Variants in SEC24D observed in about 807,000 individuals in gnomAD.
The protein encoded by SEC24D is protein transport protein Sec24D.
A neutral mutation model predicts 116.9 loss-of-function variants in SEC24D; 69 were observed. The ratio of observed to expected loss-of-function variants is 0.59; its 90% CI spans 0.49 to 0.72. SEC24D has a LOEUF of 0.72. Ranked by LOEUF, SEC24D falls within the 30% of genes least tolerant of loss-of-function variation. The pLI is 0.00. For synonymous variants in SEC24D, 405 were observed against 442.8 expected (o/e 0.91, Z 1.07); for missense variants, 1,131 against 1,264.1 (o/e 0.89, Z 1.60).
chr4:118,750,005 T>C (rs767321918), intron 13 of SEC24D, among the ~76,000 whole-genome samples: 33 of 152,378 alleles, frequency 2.2e-4, no homozygotes, highest in Middle Eastern at 3.4e-3. Flanking sequence ...AGTTGTTATA[T>C]ATTTAGATAT....
intron 2 of SEC24D, among the ~76,000 whole-genome samples, chr4:118,828,679 T>C (rs1452185421): frequency 6.6e-6 from 1 of 152,196 alleles, no homozygotes; most frequent in Non-Finnish European, 1.5e-5. Flanking sequence ...TGAAAAACCC[T>C]GCTGCAGAGA....
Position 118,805,874 on chromosome 4 carries a change from C to T in SEC24D, c.882G>A (p.Leu294=). 2 of 1,585,522 alleles carry T rather than the reference C, an allele frequency of 1.3e-6. No individual in the cohort carries two copies. The highest frequency in any genetic ancestry group is 1.7e-6 in the Non-Finnish European group (2 of 1,168,422). The change falls in exon 7 of 23, where the codon CTG becomes CTA. Residue 294 remains leucine (L), a synonymous_variant. Transcript: ENST00000280551. ...ATNTRGQIPP[L]VTTDCMIQDQ... ...CTTGTATCATGCAATCTGTAGTGAC[C>T]AGGGGAGGGATCTGGCCTCTGGTGT...
At chr4:118,766,380 A>G (rs1412141740) in intron 9 of SEC24D, 2 of 152,196 alleles carry the variant, frequency 1.3e-5, no homozygotes, top group Non-Finnish European at 2.9e-5. Context: ...TTCTAACTCC[A>G]ACAAACCTCT....
intron 19 of SEC24D, chr4:118,736,150 T>G (rs1439771981): frequency 6.8e-6 from 1 of 148,018 alleles, no homozygotes; most frequent in Non-Finnish European, 1.5e-5. Context: ...GGATTAGAGG[T>G]CCATGCCACC....
chr4:118,803,341 C>A (rs1204164047), intron 7 of SEC24D, among the ~76,000 whole-genome samples: 1 of 152,208 alleles, frequency 6.6e-6, no homozygotes, highest in Non-Finnish European at 1.5e-5. Flanking sequence ...CATGCTGTTA[C>A]TTGACATGTA....
intron 19 of SEC24D, chr4:118,736,496 G>A (rs1725965862): frequency 8.1e-6 from 2 of 247,626 alleles, no homozygotes; most frequent in Non-Finnish European, 1.6e-5. Context: ...AGGAAACTTT[G>A]GGCTCTATGG....
At position 118,768,304 on chromosome 4, in the gene SEC24D, AG is replaced by A; in HGVS notation, c.1048del (p.Leu350PhefsTer4). 1 of 1,613,000 alleles carries A rather than the reference AG, an allele frequency of 6.2e-7. No homozygotes were observed. Among genetic ancestry groups the A allele is most frequent in the Non-Finnish European group, 8.5e-7 (1 of 1,179,528 alleles). ...ACTCTCGCCGTGATTTACCAAGTAA[AG>A]GGGACTCTATGGAGAAGCAAGAAAA... Reference protein sequence around the residue: ...FATIPSNESPLYLVNHGESGP... With the variant: ...FATIPSNESPXYLVNHGESGP... On this transcript the variant is annotated frameshift_variant, in exon 9 of 23. Coordinates refer to ENST00000280551, the MANE Select transcript of SEC24D (RefSeq NM_014822.4). LOFTEE classifies it high-confidence loss of function.
Position 118,824,649 on chromosome 4 carries a change from T to TCCA in SEC24D, c.216_218dup (p.Gly73dup), listed in dbSNP as rs773637972. 1.5e-5 allele frequency: 24 copies of TCCA among 1,606,162 alleles called. No individual in the cohort carries two copies. Among genetic ancestry groups the TCCA allele is most frequent in the Non-Finnish European group, 5.9e-6 (7 of 1,177,496 alleles). On this transcript the variant is annotated inframe_insertion, in exon 3 of 23. Coordinates refer to ENST00000280551, the MANE Select transcript of SEC24D (RefSeq NM_014822.4). ...GGGGAGGGTGACCAGTGGCATGAGC[T>TCCA]CCATTCTGACCAAACTGATGGGGTC...
chr4:118,748,658 G>A (rs939357430), intron 13 of SEC24D, among the ~76,000 whole-genome samples: 2 of 151,916 alleles, frequency 1.3e-5, no homozygotes, highest in African/African-American at 4.8e-5. Flanking sequence ...TGAGAGACAA[G>A]TTATTAACAC....
chr4:118,810,767 T>C (rs1729889089), intron 6 of SEC24D, among the ~76,000 whole-genome samples: 1 of 151,518 alleles, frequency 6.6e-6, no homozygotes, highest in African/African-American at 2.4e-5. Context: ...AGAGAGTAAA[T>C]GCCAATGGAG....
At chr4:118,809,228 T>C (rs888037342) in intron 6 of SEC24D, among the ~76,000 whole-genome samples, 7 of 151,944 alleles carry the variant, frequency 4.6e-5, no homozygotes, top group Non-Finnish European at 7.4e-5. Flanking sequence ...CGCCTCAGCC[T>C]CCCAAAGTGC....
At chr4:118,745,162 C>G in intron 13 of SEC24D, 102 bp from the exon 14 acceptor site, 2 of 678,776 alleles carry the variant, frequency 2.9e-6, no homozygotes, top group Non-Finnish European at 5.1e-6. Flanking sequence ...ATGAGCTAAG[C>G]ACTATATTCA....
At chr4:118,784,677 A>C (rs1024597077) in intron 8 of SEC24D, among the ~76,000 whole-genome samples, 2 of 152,094 alleles carry the variant, frequency 1.3e-5, no homozygotes, top group African/African-American at 4.8e-5. Context: ...ACAACAAATA[A>C]TATTTTAAAG....
In SEC24D at chr4:118,777,828, T is replaced by C. The variant is rs567638179; in HGVS notation, c.1042-9517A>G. On this transcript the variant is annotated intron_variant, in intron 8 of 22. Coordinates refer to ENST00000280551, the MANE Select transcript of SEC24D (RefSeq NM_014822.4). ...CTAACTGGCGTGAGATGGTATCTCATTGTGGTTTTGACTTGCATTTCTTTG... is the reference window on the plus strand; with the variant it reads ...CTAACTGGCGTGAGATGGTATCTCACTGTGGTTTTGACTTGCATTTCTTTG... Among the ~76,000 whole-genome samples, 538 of 152,362 alleles carry C rather than the reference T, an allele frequency of 3.5e-3. 4 individuals carry two copies. Among genetic ancestry groups the C allele is most frequent in the Non-Finnish European group, 1.1e-3 (73 of 68,040 alleles).
At chr4:118,832,734 G>A (rs924291028) in intron 2 of SEC24D, among the ~76,000 whole-genome samples, 1 of 152,054 alleles carries the variant, frequency 6.6e-6, no homozygotes, top group Non-Finnish European at 1.5e-5. Context: ...AAAGCTTTTA[G>A]GGCCAGATTT....
intron 7 of SEC24D, among the ~76,000 whole-genome samples, chr4:118,799,636 A>T (rs1406174258): frequency 1.3e-5 from 2 of 152,106 alleles, no homozygotes; most frequent in African/African-American, 4.8e-5. Flanking sequence ...GAGGAGGAGA[A>T]AGCAGCCAAA....
At chr4:118,743,083 A>G (rs1181123506) in intron 15 of SEC24D, among the ~76,000 whole-genome samples, 1 of 152,098 alleles carries the variant, frequency 6.6e-6, no homozygotes, top group Non-Finnish European at 1.5e-5. Flanking sequence ...TAGTGCTGAC[A>G]TTTTGATTGT....
intron 2 of SEC24D, among the ~76,000 whole-genome samples, chr4:118,830,528 T>C (rs975551430): frequency 6.6e-6 from 1 of 152,164 alleles, no homozygotes; most frequent in Non-Finnish European, 1.5e-5. Context: ...ATCCACTTCA[T>C]TGAATAAACA....
intron 7 of SEC24D, among the ~76,000 whole-genome samples, chr4:118,803,121 G>T (rs1729519432): frequency 6.6e-6 from 1 of 152,124 alleles, no homozygotes; most frequent in South Asian, 2.1e-4. Flanking sequence ...TTGTTTAATG[G>T]GTACAGAGTT....
Sources: gnomAD v4.1 joint callset for allele counts (sites outside exome capture counted in the v4.1 genomes callset) on GRCh38, gnomAD v4.1.1 for gene constraint, MANE v1.5 for transcripts, NCBI Gene and HGNC (gene_info 2026-07-23, HGNC 2026-07-21) for gene names.